MCC: variants seen among roughly 807,000 people sequenced by gnomAD.
MCC encodes MCC regulator of Wnt signaling pathway, also known as colorectal mutant cancer protein.
A neutral mutation model predicts 116.2 loss-of-function variants in MCC; 90 were observed. The observed-to-expected ratio is 0.77, with a 90% CI of 0.65 to 0.92. The LOEUF is 0.92. Among genes scored for constraint, MCC ranks in the 40% least tolerant of loss-of-function variants. The pLI, the probability that MCC is intolerant of heterozygous loss-of-function variation, is 0.00. For synonymous variants in MCC, 578 were observed against 510.5 expected (o/e 1.13, Z -1.78); for missense variants, 1,516 against 1,312.2 (o/e 1.16, Z -2.40).
chr5:113,167,193 C>T (rs1019688588), intron 3 of MCC, among the ~76,000 whole-genome samples: 1 of 152,160 alleles, frequency 6.6e-6, no homozygotes, highest in African/African-American at 2.4e-5. Flanking sequence ...TTATGGAGGG[C>T]ATTTCTTTTC....
At chr5:113,133,356 C>T (rs753486158) in intron 5 of MCC, among the ~76,000 whole-genome samples, 1 of 152,184 alleles carries the variant, frequency 6.6e-6, no homozygotes, top group South Asian at 2.1e-4. Context: ...GATCCACTTC[C>T]TTAGCTCCCA....
At chr5:113,084,834 C>G (rs1451429201) in intron 9 of MCC, among the ~76,000 whole-genome samples, 1 of 152,152 alleles carries the variant, frequency 6.6e-6, no homozygotes, top group Non-Finnish European at 1.5e-5. Flanking sequence ...CTGGGCTGAA[C>G]CTTAGTCTTT....
chr5:113,434,612 G>C lies in MCC; in HGVS notation c.171-49400C>G, dbSNP rs765292079. ...TGCCATGTGATGTCTCAAAGATCTC[G>C]TAGGTCTTAATGATGGAGCAGTGGT... On this transcript the variant is annotated intron_variant, in intron 1 of 18. Transcript: ENST00000408903. The surrounding 1 kb of genome is among the most constrained non-coding windows in gnomAD (Gnocchi z 4.2). 3.1e-6 allele frequency: 5 copies of C among 1,613,856 alleles called. No individual in the cohort carries two copies. The highest frequency in any genetic ancestry group is 4.2e-6 in the Non-Finnish European group (5 of 1,179,902).
intron 6 of MCC, among the ~76,000 whole-genome samples, chr5:113,120,083 A>G (rs1268417523): frequency 6.6e-6 from 1 of 152,246 alleles, no homozygotes; most frequent in Non-Finnish European, 1.5e-5. Flanking sequence ...ATTTGAGAGA[A>G]GTGAATGGCG....
At chr5:113,468,353 A>C (rs183577661) in intron 1 of MCC, among the ~76,000 whole-genome samples, 137,444 of 152,140 alleles carry the variant, frequency 0.9, 62,326 homozygotes, top group East Asian at 0.97. Flanking sequence ...TGAGATACAT[A>C]CCATCAATAC....
intron 1 of MCC, among the ~76,000 whole-genome samples, chr5:113,478,404 T>C (rs1223349229): frequency 1.3e-5 from 2 of 152,184 alleles, no homozygotes; most frequent in Non-Finnish European, 2.9e-5. Context: ...AGGTATATTT[T>C]AAAGAGTTGG....
chr5:113,076,348 A>G (rs185892353), intron 11 of MCC, among the ~76,000 whole-genome samples: 1 of 152,302 alleles, frequency 6.6e-6, no homozygotes, highest in African/African-American at 2.4e-5. Flanking sequence ...TCTCCAAGAC[A>G]CATAATTGTC....
chr5:113,179,215 C>T (rs1761489022), intron 3 of MCC, among the ~76,000 whole-genome samples: 1 of 152,194 alleles, frequency 6.6e-6, no homozygotes, highest in East Asian at 1.9e-4. Context: ...CACCATTAAT[C>T]TTATGAACAG....
chr5:113,229,196 A>G (rs981217452), intron 3 of MCC, among the ~76,000 whole-genome samples: 1 of 152,184 alleles, frequency 6.6e-6, no homozygotes, highest in Non-Finnish European at 1.5e-5. Context: ...GAATCGGCAG[A>G]GACGAAGAAG....
chr5:113,115,166 C>T (rs1057036679), intron 6 of MCC, among the ~76,000 whole-genome samples: 1 of 152,144 alleles, frequency 6.6e-6, no homozygotes, highest in Non-Finnish European at 1.5e-5. Context: ...AGCACTTGTT[C>T]CGGCCCCTGC....
intron 3 of MCC, among the ~76,000 whole-genome samples, chr5:113,196,882 C>T (rs1202952993): frequency 2.0e-5 from 3 of 152,276 alleles, no homozygotes; most frequent in East Asian, 3.9e-4. Flanking sequence ...AGCACGTCTG[C>T]AGGTTCTGGC....
At chr5:113,068,430 C>T (rs948823721) in intron 12 of MCC, among the ~76,000 whole-genome samples, 1 of 152,172 alleles carries the variant, frequency 6.6e-6, no homozygotes, top group Non-Finnish European at 1.5e-5. Context: ...GTGGGAGAGG[C>T]AAATGTGTCG....
intron 3 of MCC, among the ~76,000 whole-genome samples, chr5:113,209,464 T>A (rs1398365289): frequency 6.6e-6 from 1 of 152,096 alleles, no homozygotes; most frequent in Non-Finnish European, 1.5e-5. Context: ...ACAGAGGAAA[T>A]AGAAAGATGA....
chr5:113,233,533 A>G (rs1764015526), intron 3 of MCC, among the ~76,000 whole-genome samples: 1 of 152,198 alleles, frequency 6.6e-6, no homozygotes, highest in Non-Finnish European at 1.5e-5. Context: ...CATTCCAAGG[A>G]ACAATCTAAT....
At chr5:113,373,341 C>A (rs1768889115) in intron 2 of MCC, among the ~76,000 whole-genome samples, 1 of 151,840 alleles carries the variant, frequency 6.6e-6, no homozygotes, top group South Asian at 2.1e-4. Context: ...CTAAAATATT[C>A]TAAAAAATAA....
chr5:113,434,355 A>C lies in MCC; in HGVS notation c.171-49143T>G. Reference sequence around the variant, plus strand: ...TGCCATTCGACCACTGTCATCCCGCAGGCAGCGCTTGGAGAAGCTGAAGTC... The same window carrying C: ...TGCCATTCGACCACTGTCATCCCGCCGGCAGCGCTTGGAGAAGCTGAAGTC... On this transcript the variant is annotated intron_variant, in intron 1 of 18. Coordinates refer to ENST00000408903, the MANE Select transcript of MCC (RefSeq NM_001085377.2). This position sits in a 1 kb window ranked among gnomAD's most constrained non-coding sequence, Gnocchi z 4.2. The C allele has an allele frequency of 6.2e-7, 1 of 1,613,848 alleles. No individual in the cohort carries two copies. The highest frequency in any genetic ancestry group is 1.1e-5 in the South Asian group (1 of 91,056).
At chr5:113,068,522 G>A (rs985479551) in intron 12 of MCC, among the ~76,000 whole-genome samples, 39 of 152,208 alleles carry the variant, frequency 2.6e-4, no homozygotes, top group Non-Finnish European at 7.3e-5. Context: ...CCGGCACCCT[G>A]GTGTCCACAC....
chr5:113,134,840 T>G (rs1466787661), intron 5 of MCC, among the ~76,000 whole-genome samples: 1 of 152,006 alleles, frequency 6.6e-6, no homozygotes, highest in Non-Finnish European at 1.5e-5. Context: ...TTAACAATAT[T>G]AATTCTTCCA....
chr5:113,089,344 G>T (rs1308351539), intron 8 of MCC, among the ~76,000 whole-genome samples: 2 of 152,220 alleles, frequency 1.3e-5, no homozygotes, highest in Non-Finnish European at 2.9e-5. Flanking sequence ...ACTCTGGAAG[G>T]TTCAAGTAGG....
Sources: gnomAD v4.1 joint callset for allele counts (sites outside exome capture counted in the v4.1 genomes callset) on GRCh38, gnomAD v4.1.1 for gene constraint, Gnocchi (gnomAD v3.1) non-coding constraint, MANE v1.5 for transcripts, NCBI Gene and HGNC (gene_info 2026-07-23, HGNC 2026-07-21) for gene names.